The following XRRA1 variants were observed in gnomAD, a reference collection of about 807,000 sequenced individuals.
XRRA1 encodes the protein X-ray radiation resistance associated 1, also known as X-ray radiation resistance-associated protein 1.
XRRA1 carries 69 observed loss-of-function variants against 80.2 expected under a neutral mutation model. The observed-to-expected ratio is 0.86, with a 90% CI of 0.71 to 1.05. XRRA1 has a LOEUF of 1.05. Among genes scored for constraint, XRRA1 ranks in the 50% least tolerant of loss-of-function variants. The pLI, the probability that XRRA1 is intolerant of heterozygous loss-of-function variation, is 0.00. For synonymous variants in XRRA1, 348 were observed against 389.9 expected (o/e 0.89, Z 1.27); for missense variants, 967 against 976.4 (o/e 0.99, Z 0.13).
intron 11 of XRRA1, among the ~76,000 whole-genome samples, chr11:74,862,101 C>G (rs907106741): frequency 6.6e-6 from 1 of 152,124 alleles, no homozygotes; most frequent in East Asian, 1.9e-4. Flanking sequence ...CTCTTGAAAC[C>G]CTGATGCTGT....
At chr11:74,893,171 G>T (rs1406266206) in intron 10 of XRRA1, among the ~76,000 whole-genome samples, 8 of 152,140 alleles carry the variant, frequency 5.3e-5, no homozygotes, top group Non-Finnish European at 7.3e-5. Flanking sequence ...GTCCAACAAT[G>T]ACAGACTGGA....
chr11:74,852,210 G>C, intron 12 of XRRA1, 128 bp from the exon 13 acceptor site: 1 of 723,566 alleles, frequency 1.4e-6, no homozygotes, highest in East Asian at 2.7e-5. Context: ...AAGACATGCT[G>C]CTGTGGATGG....
At chr11:74,863,370 G>T in intron 10 of XRRA1, 1 of 276,652 alleles carries the variant, frequency 3.6e-6, no homozygotes, top group South Asian at 5.3e-5. Flanking sequence ...AAGCACATAA[G>T]CACTTTCGAG....
chr11:74,916,712 G>C (rs900984167), intron 8 of XRRA1, among the ~76,000 whole-genome samples: 1 of 151,856 alleles, frequency 6.6e-6, no homozygotes, highest in Non-Finnish European at 1.5e-5. Flanking sequence ...CTGTTTCTTT[G>C]TATGCCTTGT....
At chr11:74,935,284 C>T (rs986753222) in intron 4 of XRRA1, among the ~76,000 whole-genome samples, 3 of 152,202 alleles carry the variant, frequency 2.0e-5, no homozygotes, top group Non-Finnish European at 4.4e-5. Flanking sequence ...TGAAGGCAAT[C>T]AGCCCAAGAG....
chr11:74,930,388 T>TA lies in XRRA1; in HGVS notation c.352-17_352-16insT. The TA allele has an allele frequency of 2.6e-6, 4 of 1,522,320 alleles. No homozygotes were observed. The highest frequency in any genetic ancestry group is 4.6e-5 in the Admixed American group (2 of 43,950). The allele number at this position is 1,522,320 out of a possible 1,614,324, so 94.3% of individuals were successfully genotyped here. On this transcript the variant is annotated splice_polypyrimidine_tract_variant and intron_variant, in intron 5 of 18. Coordinates refer to ENST00000684022, the MANE Select transcript of XRRA1 (RefSeq NM_001378157.1). ...TTTCCTTGGCCTGTAGGAAAGCATTTCAGAAAAAAAAAAAAATCCACAAGA... is the reference window on the plus strand; with the variant it reads ...TTTCCTTGGCCTGTAGGAAAGCATTTACAGAAAAAAAAAAAAATCCACAAGA...
intron 1 of XRRA1, among the ~76,000 whole-genome samples, chr11:74,947,305 C>T (rs988292832): frequency 9.9e-5 from 15 of 152,026 alleles, no homozygotes; most frequent in African/African-American, 3.4e-4. Context: ...GCAGACGGAT[C>T]ACTTGAGGTC....
intron 10 of XRRA1, among the ~76,000 whole-genome samples, chr11:74,879,370 A>G (rs2046898384): frequency 6.6e-6 from 1 of 152,322 alleles, no homozygotes; most frequent in South Asian, 2.1e-4. Context: ...TTGGGCTGAG[A>G]CAATGGGGTT....
intron 10 of XRRA1, among the ~76,000 whole-genome samples, chr11:74,881,530 C>T (rs1238964163): frequency 2.7e-5 from 4 of 149,328 alleles, no homozygotes; most frequent in Non-Finnish European, 4.5e-5. Context: ...TTATTTTGCT[C>T]GTTAGTTGAT....
At chr11:74,863,354 A>G (rs1442541730) in intron 10 of XRRA1, 5 of 326,368 alleles carry the variant, frequency 1.5e-5, no homozygotes, top group Non-Finnish European at 1.7e-5. Flanking sequence ...CTTCAATCTG[A>G]CTTTAAAGCA....
Position 74,851,996 on chromosome 11 carries a change from A to G in XRRA1, c.1257T>C (p.His419=), listed in dbSNP as rs375658674. ...GGTTTGCGGGCACTATACCTCGTGT[A>G]TGGGCCACCAGAGGGTTGTTATGAA... The part of the protein sequence containing the change: ...FVFHNNPLVA[H]TRGVPPLLKS... The change falls in exon 13 of 19, where the codon CAT becomes CAC. Residue 419 remains histidine (H), a synonymous_variant. Transcript: ENST00000684022. 3 of 1,613,658 alleles carry G rather than the reference A, an allele frequency of 1.9e-6. No individual in the cohort carries two copies. In the African/African-American group the frequency reaches 4.0e-5, roughly 22 times the overall value.
intron 10 of XRRA1, among the ~76,000 whole-genome samples, chr11:74,881,625 T>C (rs2047610320): frequency 6.6e-6 from 1 of 152,186 alleles, no homozygotes; most frequent in Admixed American, 6.5e-5. Flanking sequence ...CCATGTTTAG[T>C]GCTTCCTTCA....
intron 12 of XRRA1, among the ~76,000 whole-genome samples, chr11:74,852,954 A>G (rs939648252): frequency 2.6e-5 from 4 of 152,220 alleles, no homozygotes; most frequent in African/African-American, 4.8e-5. Context: ...AGGGCACTTC[A>G]GTTTAGCTTC....
At chr11:74,843,637 T>C (rs2037045966) in intron 18 of XRRA1, 184 bp from the exon 19 acceptor site, 1 of 879,858 alleles carries the variant, frequency 1.1e-6, no homozygotes, top group East Asian at 2.7e-5. Flanking sequence ...ATGCATTGAC[T>C]CTATCTTAAG....
At chr11:74,851,926 TGAG>T in intron 13 of XRRA1, 60 bp downstream of exon 13, 1 of 1,394,256 alleles carries the variant, frequency 7.2e-7, no homozygotes, top group Non-Finnish European at 1.0e-6. Context: ...GAGGTGGGGA[TGAG>T]GGTGCCACAC....
chr11:74,891,388 T>A (rs930137306), intron 10 of XRRA1, among the ~76,000 whole-genome samples: 2 of 152,206 alleles, frequency 1.3e-5, no homozygotes, highest in Non-Finnish European at 2.9e-5. Flanking sequence ...AAATTAGGTA[T>A]TGATTGGACA....
At chr11:74,877,915 A>G (rs1486099117) in intron 10 of XRRA1, among the ~76,000 whole-genome samples, 11 of 151,956 alleles carry the variant, frequency 7.2e-5, no homozygotes, top group African/African-American at 2.2e-4. Flanking sequence ...TAATGCTGCA[A>G]TAAACATACG....
At chr11:74,866,200 TCAGA>T (rs1472679483) in intron 10 of XRRA1, among the ~76,000 whole-genome samples, 6 of 152,308 alleles carry the variant, frequency 3.9e-5, no homozygotes, top group Admixed American at 2.0e-4. Context: ...GTGTGATCTC[TCAGA>T]CAAAGAATTC....
intron 10 of XRRA1, among the ~76,000 whole-genome samples, chr11:74,871,910 TA>T (rs1255643138): frequency 6.6e-6 from 1 of 152,210 alleles, no homozygotes; most frequent in Non-Finnish European, 1.5e-5. Flanking sequence ...AGCCAAACCC[TA>T]ACCGCAGCTG....
Sources: allele counts gnomAD v4.1 joint callset (sites outside exome capture counted in the v4.1 genomes callset), GRCh38; gene constraint gnomAD v4.1.1; transcripts MANE v1.5; gene names NCBI Gene and HGNC (gene_info 2026-07-23, HGNC 2026-07-21).